MIB1: variants seen among roughly 807,000 people sequenced by gnomAD.
The protein encoded by MIB1 is E3 ubiquitin-protein ligase MIB1.
A neutral mutation model predicts 124.5 loss-of-function variants in MIB1; 278 were observed. The ratio of observed to expected loss-of-function variants is 2.23; its 90% CI spans 2.02 to 2.47. The LOEUF is 2.47. Among genes scored for constraint, MIB1 ranks in the 30% most tolerant of loss-of-function variants. MIB1 has a pLI of 0.00. For missense variants in MIB1, 957 were observed against 1,254.4 expected (o/e 0.76, Z 3.58); for synonymous variants, 446 against 429.4 (o/e 1.04, Z -0.48).
chr18:21,824,517 T>C (rs2041907453), intron 12 of MIB1, among the ~76,000 whole-genome samples: 1 of 152,136 alleles, frequency 6.6e-6, no homozygotes. Context: ...ATAGGATACT[T>C]AGAGTGTGTT....
At chr18:21,775,891 G>T (rs1392386052) in intron 4 of MIB1, among the ~76,000 whole-genome samples, 1 of 152,148 alleles carries the variant, frequency 6.6e-6, no homozygotes, top group South Asian at 2.1e-4. Flanking sequence ...GCATCCTTGT[G>T]TATATGCCTT....
At chr18:21,767,915 C>T (rs1282861798) in intron 2 of MIB1, among the ~76,000 whole-genome samples, 1 of 151,966 alleles carries the variant, frequency 6.6e-6, no homozygotes, top group Non-Finnish European at 1.5e-5. Context: ...CATAGAACAC[C>T]CTGCTCCCCC....
Position 21,849,477 on chromosome 18 carries a change from G to C in MIB1, c.2586+89G>C, listed in dbSNP as rs550893164. On this transcript the variant is annotated intron_variant, in intron 17 of 20. Transcript: ENST00000261537. ...TAAGATTTAATGACATCATGCGTCT[G>C]TGTAATTTTGCTCTTCCAAACAATG... 26 of 687,510 alleles carry C rather than the reference G, an allele frequency of 3.8e-5. No individual in the cohort carries two copies. In the African/African-American group the frequency reaches 4.1e-4, roughly 11 times the overall value. The allele number at this position is 687,510 out of a possible 1,614,324, so 42.6% of individuals were successfully genotyped here.
rs768432834 is a variant in MIB1 at position 21,741,731 on chromosome 18, G to A, written c.148G>A (p.Val50Ile). The change falls in exon 1 of 21, where the codon GTA becomes ATA. Residue 50 changes from valine (V) to isoleucine (I), a missense_variant. By Grantham distance (29) the Val-to-Ile change is conservative. Coordinates refer to ENST00000261537, the MANE Select transcript of MIB1 (RefSeq NM_020774.4). The surrounding 1 kb of genome is among the most constrained non-coding windows in gnomAD (Gnocchi z 5.4). ...CTTCGAGAGCCCCGAGGAGGTGGTG[G>A]TAGTGTGGGACAACGGCACAGCTGC... ...RSFESPEEVV[V>I]VWDNGTAANY... 5 of 1,611,452 alleles carry A rather than the reference G, an allele frequency of 3.1e-6. No individual in the cohort carries two copies. The Admixed American group carries it at 6.7e-5, about 22-fold the overall frequency.
intron 12 of MIB1, among the ~76,000 whole-genome samples, chr18:21,835,786 T>A (rs201706360): frequency 0.021 from 1,976 of 93,982 alleles, 34 homozygotes; most frequent in Middle Eastern, 0.086. Context: ...AAAAAAAAAA[T>A]ATATATATAT....
At position 21,773,284 on chromosome 18, in the gene MIB1, CA is replaced by C. The variant is rs966701712; in HGVS notation, c.532-334del. Among the ~76,000 whole-genome samples, 8 of 151,922 alleles carry C rather than the reference CA, an allele frequency of 5.3e-5. 1 individual carries two copies. The highest frequency in any genetic ancestry group is 5.3e-4 in the Admixed American group (8 of 15,234). On this transcript the variant is annotated intron_variant, in intron 3 of 20. Coordinates refer to ENST00000261537, the MANE Select transcript of MIB1 (RefSeq NM_020774.4). Reference sequence around the variant, plus strand: ...CATCTCAAAACCAAAAACCAAAAAACAAAAAACTGTTCTTAAAGGAATCTCT... The same window carrying C: ...CATCTCAAAACCAAAAACCAAAAAACAAAAACTGTTCTTAAAGGAATCTCT...
intron 1 of MIB1, among the ~76,000 whole-genome samples, chr18:21,731,443 A>C (rs562699093): frequency 8.5e-5 from 13 of 152,278 alleles, no homozygotes; most frequent in South Asian, 8.3e-4. Context: ...AACTACTACA[A>C]ATAAAGCTGG....
chr18:21,803,740 C>A, intron 9 of MIB1, 167 bp from the exon 10 acceptor site: 1 of 451,672 alleles, frequency 2.2e-6, no homozygotes, highest in Non-Finnish European at 3.9e-6. Flanking sequence ...CTTCCCTTCT[C>A]AAAATTAAGA....
In MIB1 at chr18:21,846,710, A is replaced by G. The variant is rs3765625; in HGVS notation, c.2212-234A>G. Among the ~76,000 whole-genome samples the G allele has an allele frequency of 5.2e-3, 788 of 152,222 alleles. 17 individuals are homozygous for G. In the East Asian group the frequency reaches 0.098, roughly 19 times the overall value. ...CATATAGGTAAGGTAGAGGTATCTG[A>G]CTGGTTTGGGCCATGTTTGGTCCAC... On this transcript the variant is annotated intron_variant, in intron 15 of 20. Transcript: ENST00000261537.
chr18:21,853,111 T>G, intron 17 of MIB1, 29 bp from the exon 18 acceptor site: 1 of 1,452,782 alleles, frequency 6.9e-7, no homozygotes, highest in Non-Finnish European at 9.7e-7. Flanking sequence ...CTGTAAATGG[T>G]CACTGTGCTG....
chr18:21,752,695 C>A (rs1336768120), intron 1 of MIB1, among the ~76,000 whole-genome samples: 3 of 152,262 alleles, frequency 2.0e-5, no homozygotes, highest in African/African-American at 7.2e-5. Context: ...ATCCGTACAA[C>A]CACTTTGAGA....
intron 10 of MIB1, among the ~76,000 whole-genome samples, chr18:21,814,567 C>T (rs893643011): frequency 6.6e-6 from 1 of 151,976 alleles, no homozygotes; most frequent in Non-Finnish European, 1.5e-5. Context: ...GGTGACAGAA[C>T]AGGACCCTGA....
intron 1 of MIB1, among the ~76,000 whole-genome samples, chr18:21,760,485 C>T (rs968980955): frequency 1.3e-5 from 2 of 152,198 alleles, no homozygotes; most frequent in African/African-American, 4.8e-5. Flanking sequence ...GTCTGTTTCA[C>T]AGCTGTTCAG....
At chr18:21,810,596 T>G (rs2041761363) in intron 10 of MIB1, among the ~76,000 whole-genome samples, 1 of 151,812 alleles carries the variant, frequency 6.6e-6, no homozygotes. Flanking sequence ...TGCATTAAGG[T>G]CAATTGCTTT....
At chr18:21,781,797 T>G (rs745506101) in intron 6 of MIB1, among the ~76,000 whole-genome samples, 1 of 152,146 alleles carries the variant, frequency 6.6e-6, no homozygotes, top group Non-Finnish European at 1.5e-5. Context: ...TTTCAATTTG[T>G]TGGTATATAG....
intron 1 of MIB1, among the ~76,000 whole-genome samples, chr18:21,758,487 C>G (rs991627306): frequency 2.6e-5 from 4 of 152,034 alleles, no homozygotes; most frequent in Non-Finnish European, 5.9e-5. Context: ...TGAATGACAT[C>G]AACAGTTATG....
chr18:21,856,321 T>C (rs115740196), intron 18 of MIB1, among the ~76,000 whole-genome samples: 9,377 of 151,746 alleles, frequency 0.062, 323 homozygotes, highest in Middle Eastern at 0.14. Context: ...ATATTTCTTA[T>C]TGGAATAGGA....
intron 1 of MIB1, among the ~76,000 whole-genome samples, chr18:21,721,799 A>G (rs892940796): frequency 6.6e-6 from 1 of 152,166 alleles, no homozygotes; most frequent in Non-Finnish European, 1.5e-5. Flanking sequence ...ACTTAGAGAA[A>G]AGTTGCAAAG....
chr18:21,849,290 C>CT lies in MIB1; in HGVS notation c.2493dup (p.Gly832TrpfsTer23). ...GTGCTCAGATATGAAGAGAGATACT[C>CT]TTTTTGGTCCATGTGGACATATTGC... On this transcript the variant is annotated frameshift_variant, in exon 17 of 21. Coordinates refer to ENST00000261537, the MANE Select transcript of MIB1 (RefSeq NM_020774.4). LOFTEE classifies it high-confidence loss of function. 1 of 1,612,776 alleles carries CT rather than the reference C, an allele frequency of 6.2e-7. No individual in the cohort carries two copies. Among genetic ancestry groups the CT allele is most frequent in the Non-Finnish European group, 8.5e-7 (1 of 1,179,152 alleles).
Sources: gnomAD v4.1 joint callset for allele counts (sites outside exome capture counted in the v4.1 genomes callset) on GRCh38, gnomAD v4.1.1 for gene constraint, Gnocchi (gnomAD v3.1) non-coding constraint, MANE v1.5 for transcripts, NCBI Gene and HGNC (gene_info 2026-07-23, HGNC 2026-07-21) for gene names.